LRMDA: variants seen among roughly 807,000 people sequenced by gnomAD.
The protein encoded by LRMDA is leucine rich melanocyte differentiation associated.
In LRMDA, 18 loss-of-function variants were observed where a neutral mutation model predicts 29.8. That is an observed-to-expected ratio of 0.60 (90% CI 0.42 to 0.90). LRMDA has a LOEUF of 0.90. Ranked by LOEUF, LRMDA falls within the 40% of genes least tolerant of loss-of-function variation. The pLI is 0.00. For synonymous variants in LRMDA, 125 were observed against 109.4 expected (o/e 1.14, Z -0.89); for missense variants, 273 against 273.9 (o/e 1.00, Z 0.02).
At chr10:76,452,939 C>T (rs550557433) in intron 6 of LRMDA, among the ~76,000 whole-genome samples, 1 of 152,096 alleles carries the variant, frequency 6.6e-6, no homozygotes, top group Non-Finnish European at 1.5e-5. Flanking sequence ...GGACAGTAAA[C>T]TTTGTGTGAA....
At chr10:75,572,432 A>C (rs941179437) in intron 2 of LRMDA, among the ~76,000 whole-genome samples, 5 of 152,004 alleles carry the variant, frequency 3.3e-5, no homozygotes, top group Admixed American at 2.6e-4. Context: ...CACCCCCGGC[A>C]GATAGAACAA....
At chr10:75,826,501 TG>T (rs1844248901) in intron 2 of LRMDA, among the ~76,000 whole-genome samples, 1 of 152,212 alleles carries the variant, frequency 6.6e-6, no homozygotes, top group Non-Finnish European at 1.5e-5. Context: ...TTACTCGGCC[TG>T]ACACTCCTAA....
intron 2 of LRMDA, among the ~76,000 whole-genome samples, chr10:75,745,854 GC>G (rs1353112357): frequency 2.0e-5 from 3 of 152,114 alleles, no homozygotes; most frequent in African/African-American, 7.2e-5. Flanking sequence ...CAAAACACTG[GC>G]CAGGTATTTT....
chr10:76,423,525 A>T (rs1405426688), intron 6 of LRMDA, among the ~76,000 whole-genome samples: 1 of 152,146 alleles, frequency 6.6e-6, no homozygotes, highest in Non-Finnish European at 1.5e-5. Flanking sequence ...CCCTTTCATA[A>T]GGTTGTTGGC....
chr10:76,377,161 A>G (rs1485547982), intron 6 of LRMDA, among the ~76,000 whole-genome samples: 1 of 151,994 alleles, frequency 6.6e-6, no homozygotes, highest in Admixed American at 6.6e-5. Flanking sequence ...CTGGGATTAC[A>G]GGTGTGAGCC....
intron 2 of LRMDA, among the ~76,000 whole-genome samples, chr10:75,995,061 G>C (rs1847437315): frequency 6.6e-6 from 1 of 151,954 alleles, no homozygotes. Flanking sequence ...CTTATATTTG[G>C]GTGTAAACTT....
Position 75,897,008 on chromosome 10 carries a change from A to C in LRMDA, c.132-139000A>C, listed in dbSNP as rs374554622. On this transcript the variant is annotated intron_variant, in intron 2 of 6. Transcript: ENST00000611255. The stretch of plus-strand genomic sequence containing the variant: ...CTACTGGGCAAAGTAATTTTGTGTC[A>C]GGCTTCTGTTCAGGGCAGATTTACA... Among the ~76,000 whole-genome samples the C allele has an allele frequency of 3.5e-3, 534 of 152,298 alleles. 1 individual carries two copies. Among genetic ancestry groups the C allele is most frequent in the African/African-American group, 0.012 (508 of 41,554 alleles).
intron 2 of LRMDA, among the ~76,000 whole-genome samples, chr10:75,777,368 G>T (rs754247412): frequency 3.2e-4 from 49 of 152,180 alleles, no homozygotes; most frequent in Admixed American, 7.2e-4. Context: ...TTGTGGGTTG[G>T]TCCCATCTCA....
intron 5 of LRMDA, among the ~76,000 whole-genome samples, chr10:76,255,653 G>A (rs1852580680): frequency 6.6e-6 from 1 of 152,202 alleles, no homozygotes; most frequent in South Asian, 2.1e-4. Flanking sequence ...TGGCCCAGTG[G>A]ATGGGAATTG....
chr10:75,973,611 G>C (rs1009084200), intron 2 of LRMDA, among the ~76,000 whole-genome samples: 1 of 152,036 alleles, frequency 6.6e-6, no homozygotes, highest in Non-Finnish European at 1.5e-5. Context: ...ATAGAAACAG[G>C]GTTTCACCAT....
At chr10:75,644,171 A>C (rs1841487676) in intron 2 of LRMDA, among the ~76,000 whole-genome samples, 1 of 152,126 alleles carries the variant, frequency 6.6e-6, no homozygotes, top group Non-Finnish European at 1.5e-5. Context: ...ATGGATGGTG[A>C]CCCTTCTGGA....
At chr10:75,815,478 T>C (rs1461885627) in intron 2 of LRMDA, among the ~76,000 whole-genome samples, 2 of 152,216 alleles carry the variant, frequency 1.3e-5, no homozygotes, top group African/African-American at 2.4e-5. Flanking sequence ...AAGTGAGATG[T>C]GCCTTGCTTT....
intron 2 of LRMDA, among the ~76,000 whole-genome samples, chr10:75,711,919 A>AACACAC (rs146819347): frequency 1.0e-4 from 15 of 149,330 alleles, no homozygotes; most frequent in Admixed American, 4.7e-4. Flanking sequence ...TTGAAGGTAA[A>AACACAC]ACACACACAC....
At position 75,938,523 on chromosome 10, in the gene LRMDA, C is replaced by T. The variant is rs554184047; in HGVS notation, c.132-97485C>T. On this transcript the variant is annotated intron_variant, in intron 2 of 6. Coordinates refer to ENST00000611255, the MANE Select transcript of LRMDA (RefSeq NM_001305581.2). Reference sequence around the variant, plus strand: ...ATCATGGGCAATGTGGGAGCTATAGCGCCTGGTCCGGCACTAATTGTGAAG... The same window carrying T: ...ATCATGGGCAATGTGGGAGCTATAGTGCCTGGTCCGGCACTAATTGTGAAG... Among the ~76,000 whole-genome samples, 21 of 152,280 alleles carry T rather than the reference C, an allele frequency of 1.4e-4. No individual in the cohort carries two copies. In the South Asian group the frequency reaches 3.5e-3, roughly 26 times the overall value.
intron 2 of LRMDA, among the ~76,000 whole-genome samples, chr10:75,581,632 T>C (rs1840593037): frequency 6.6e-6 from 1 of 152,128 alleles, no homozygotes; most frequent in African/African-American, 2.4e-5. Context: ...GTTCATGTCC[T>C]TTGCAGGGAC....
At chr10:76,516,645 A>C (rs190435459) in intron 6 of LRMDA, among the ~76,000 whole-genome samples, 2 of 151,992 alleles carry the variant, frequency 1.3e-5, no homozygotes, top group Non-Finnish European at 2.9e-5. Flanking sequence ...TTCCAGTTTC[A>C]TCCATGTCCC....
chr10:75,886,993 G>A (rs1319818865), intron 2 of LRMDA, among the ~76,000 whole-genome samples: 1 of 152,110 alleles, frequency 6.6e-6, no homozygotes, highest in Non-Finnish European at 1.5e-5. Flanking sequence ...GTTGTGGTAA[G>A]TTCTGGGCCG....
At chr10:76,547,518 T>TA (rs1455879676) in intron 6 of LRMDA, among the ~76,000 whole-genome samples, 1 of 152,150 alleles carries the variant, frequency 6.6e-6, no homozygotes, top group East Asian at 1.9e-4. Context: ...TTTATTTATT[T>TA]TAAGCAAGCG....
rs77258483 is a variant in LRMDA at position 76,118,985 on chromosome 10, A to G, written c.516+60202A>G. ...AAAGGGCGCAGGCCAATCTGCCCAT[A>G]ATGAGCTTGGAAAGTGAGGATGAAG... On this transcript the variant is annotated intron_variant, in intron 5 of 6. Transcript: ENST00000611255. 3.4e-3 allele frequency among the ~76,000 whole-genome samples: 513 copies of G among 151,878 alleles called. 3 individuals carry two copies. The highest frequency in any genetic ancestry group is 8.0e-3 in the Admixed American group (122 of 15,218).
Sources: gnomAD v4.1 joint callset for allele counts (sites outside exome capture counted in the v4.1 genomes callset) on GRCh38, gnomAD v4.1.1 for gene constraint, MANE v1.5 for transcripts, NCBI Gene and HGNC (gene_info 2026-07-23, HGNC 2026-07-21) for gene names.